The following PIP5K1B variants were observed in gnomAD, a reference collection of about 807,000 sequenced individuals.
PIP5K1B encodes phosphatidylinositol 4-phosphate 5-kinase type-1 beta.
In PIP5K1B, 42 loss-of-function variants were observed where a neutral mutation model predicts 67.0. The observed-to-expected ratio is 0.63, with a 90% confidence interval of 0.49 to 0.81. The LOEUF is 0.81. Ranked by LOEUF, PIP5K1B falls within the 30% of genes least tolerant of loss-of-function variation. The pLI is 0.00. For missense variants in PIP5K1B, 459 were observed against 646.3 expected (o/e 0.71, Z 3.14); for synonymous variants, 214 against 231.4 (o/e 0.92, Z 0.68).
intron 14 of PIP5K1B, among the ~76,000 whole-genome samples, chr9:68,950,028 G>A (rs1382996754): frequency 1.3e-5 from 2 of 152,194 alleles, no homozygotes; most frequent in African/African-American, 2.4e-5. Flanking sequence ...AAATATGTAA[G>A]GAGGCAGCTT....
At chr9:68,846,764 A>G (rs562367693) in intron 4 of PIP5K1B, among the ~76,000 whole-genome samples, 12 of 152,346 alleles carry the variant, frequency 7.9e-5, no homozygotes, top group African/African-American at 2.9e-4. Context: ...ATAGATAATG[A>G]CATCTGTGAT....
intron 1 of PIP5K1B, among the ~76,000 whole-genome samples, chr9:68,709,479 G>A (rs925745035): frequency 2.0e-5 from 3 of 152,152 alleles, no homozygotes; most frequent in South Asian, 2.1e-4. Flanking sequence ...GCAATCCACA[G>A]GCATCGGCTT....
intron 4 of PIP5K1B, among the ~76,000 whole-genome samples, chr9:68,833,662 GGTT>G (rs1834443599): frequency 6.6e-6 from 1 of 151,812 alleles, no homozygotes; most frequent in Non-Finnish European, 1.5e-5. Context: ...CCTAGACAAA[GGTT>G]GTGGACTAGA....
intron 4 of PIP5K1B, among the ~76,000 whole-genome samples, chr9:68,857,265 G>A: frequency 6.6e-6 from 1 of 152,162 alleles, no homozygotes; most frequent in East Asian, 1.9e-4. Flanking sequence ...TATTATAGAA[G>A]CAACAGAAAA....
At chr9:68,866,134 A>T (rs68060556) in intron 5 of PIP5K1B, among the ~76,000 whole-genome samples, 63,377 of 151,720 alleles carry the variant, frequency 0.42, 13,574 homozygotes, top group Middle Eastern at 0.51. Flanking sequence ...AAATATAGCA[A>T]TTTAGAGTAT....
rs547396953 is a variant in PIP5K1B, at chr9:68,754,792, TC to T, written c.-86+12136del. Among the ~76,000 whole-genome samples, 3 of 152,328 alleles carry T rather than the reference TC, an allele frequency of 2.0e-5. No homozygotes were observed. The East Asian group carries it at 5.8e-4, about 29-fold the overall frequency. ...AAAATAACAGAGGTTATATGAGGCATCTTTTTTTCTGATTTTAAAGAGAATG... is the reference window on the plus strand; with the variant it reads ...AAAATAACAGAGGTTATATGAGGCATTTTTTTTCTGATTTTAAAGAGAATG... On this transcript the variant is annotated intron_variant, in intron 2 of 15. Transcript: ENST00000265382.
chr9:68,991,397 A>G (rs1165416253), intron 15 of PIP5K1B, 140 bp downstream of exon 15: 10 of 608,974 alleles, frequency 1.6e-5, no homozygotes, highest in Non-Finnish European at 2.4e-5. Context: ...ACTTCTGCAA[A>G]TGGTGCTTCT....
At chr9:68,762,618 G>A (rs1036471683) in intron 2 of PIP5K1B, among the ~76,000 whole-genome samples, 1 of 152,108 alleles carries the variant, frequency 6.6e-6, no homozygotes, top group African/African-American at 2.4e-5. Context: ...ATTTTTCTGA[G>A]TGTACTTATA....
chr9:68,881,609 ACT>A (rs1482611060), intron 6 of PIP5K1B, among the ~76,000 whole-genome samples: 3 of 152,128 alleles, frequency 2.0e-5, no homozygotes, highest in African/African-American at 7.2e-5. Context: ...TGCCTGAATT[ACT>A]CTGTTTATGC....
chr9:68,785,402 C>G (rs1831552667), intron 2 of PIP5K1B, among the ~76,000 whole-genome samples: 1 of 152,160 alleles, frequency 6.6e-6, no homozygotes, highest in South Asian at 2.1e-4. Context: ...GAAGGCAAGC[C>G]TTGAGTGCCA....
At chr9:68,761,733 T>C (rs1208746046) in intron 2 of PIP5K1B, among the ~76,000 whole-genome samples, 1 of 152,140 alleles carries the variant, frequency 6.6e-6, no homozygotes, top group Non-Finnish European at 1.5e-5. Flanking sequence ...CTGACTCTTG[T>C]GCCTCCCTCT....
intron 13 of PIP5K1B, among the ~76,000 whole-genome samples, chr9:68,939,717 C>T (rs1027801691): frequency 1.3e-5 from 2 of 152,204 alleles, no homozygotes; most frequent in African/African-American, 4.8e-5. Context: ...CTCCATGTTG[C>T]TTCCTACCCC....
intron 1 of PIP5K1B, among the ~76,000 whole-genome samples, chr9:68,714,367 T>G (rs569708217): frequency 3.3e-5 from 5 of 152,170 alleles, no homozygotes; most frequent in Non-Finnish European, 7.4e-5. Context: ...CCATCACCAA[T>G]GTCTATTGAT....
At chr9:68,939,681 G>A (rs530488902) in intron 13 of PIP5K1B, among the ~76,000 whole-genome samples, 2 of 152,274 alleles carry the variant, frequency 1.3e-5, no homozygotes, top group South Asian at 4.1e-4. Flanking sequence ...CTAGAGTCCA[G>A]CCTTTCCTGT....
chr9:68,749,559 TTC>T (rs774925139), intron 2 of PIP5K1B, among the ~76,000 whole-genome samples: 10 of 152,208 alleles, frequency 6.6e-5, no homozygotes, highest in Admixed American at 1.3e-4. Context: ...GTGAATGCAC[TTC>T]TCTTATAAGG....
chr9:68,843,032 C>T (rs1210618108), intron 4 of PIP5K1B: 1 of 152,206 alleles, frequency 6.6e-6, no homozygotes, highest in Non-Finnish European at 1.5e-5. Context: ...CTTCCCTCTG[C>T]CCTTCACGTC....
rs377076833 is a variant in PIP5K1B, at chr9:68,838,236, A to G, written c.69+15553A>G. Among the ~76,000 whole-genome samples the G allele has an allele frequency of 3.3e-5, 5 of 152,174 alleles. 1 individual carries two copies. Among genetic ancestry groups the G allele is most frequent in the African/African-American group, 1.2e-4 (5 of 41,528 alleles). On this transcript the variant is annotated intron_variant, in intron 4 of 15. Transcript: ENST00000265382. ...TGATTCTTGGGTATTCTAGGTAGCA[A>G]TCATATAATGTGTAAATTATCATTT...
chr9:68,769,684 A>G (rs1830590610), intron 2 of PIP5K1B, among the ~76,000 whole-genome samples: 1 of 152,052 alleles, frequency 6.6e-6, no homozygotes, highest in African/African-American at 2.4e-5. Flanking sequence ...TTTTGGTCCC[A>G]TTTGTCTTTC....
chr9:68,792,206 G>A (rs1334426520), intron 2 of PIP5K1B, among the ~76,000 whole-genome samples: 1 of 152,136 alleles, frequency 6.6e-6, no homozygotes, highest in African/African-American at 2.4e-5. Context: ...CAAAAATAGG[G>A]ACTAAGCCTT....
Sources: gnomAD v4.1 joint callset for allele counts (sites outside exome capture counted in the v4.1 genomes callset) on GRCh38, gnomAD v4.1.1 for gene constraint, MANE v1.5 for transcripts, NCBI Gene and HGNC (gene_info 2026-07-23, HGNC 2026-07-21) for gene names.